PPP4R2: variants seen among roughly 807,000 people sequenced by gnomAD.
The protein encoded by PPP4R2 is protein phosphatase 4 regulatory subunit 2, also known as serine/threonine-protein phosphatase 4 regulatory subunit 2.
Under a neutral mutation model 47.2 loss-of-function variants are expected in PPP4R2, and 13 were observed. That is an observed-to-expected ratio of 0.28 (90% CI 0.18 to 0.44). The LOEUF (loss-of-function observed/expected upper bound fraction) is 0.44. PPP4R2 is among the 20% of genes least tolerant of loss of function. The pLI, the probability that PPP4R2 is intolerant of heterozygous loss-of-function variation, is 1.00. For synonymous variants in PPP4R2, 151 were observed against 163.3 expected, an observed-to-expected ratio of 0.92 and a Z score of 0.57; for missense variants, 421 against 491.2, an observed-to-expected ratio of 0.86 and a Z score of 1.35.
At chr3:73,024,134 A>G (rs1702013373) in intron 2 of PPP4R2, among the ~76,000 whole-genome samples, 1 of 152,174 alleles carries the variant, frequency 6.6e-6, no homozygotes, top group African/African-American at 2.4e-5. Context: ...ATAAATATAT[A>G]CATAATAAAT....
chr3:73,014,006 TTTA>T (rs1701776033), intron 2 of PPP4R2, among the ~76,000 whole-genome samples: 1 of 132,126 alleles, frequency 7.6e-6, no homozygotes, highest in Non-Finnish European at 1.8e-5. Flanking sequence ...TGCATAATAT[TTTA>T]TTGTTTTGGG....
chr3:73,060,376 C>CTA (rs1387843220), intron 4 of PPP4R2, among the ~76,000 whole-genome samples: 1 of 152,058 alleles, frequency 6.6e-6, no homozygotes, highest in African/African-American at 2.4e-5. Context: ...GTAGTCATAC[C>CTA]AGGTGCCCTG....
At chr3:73,024,224 A>G (rs1262714729) in intron 2 of PPP4R2, among the ~76,000 whole-genome samples, 4 of 152,194 alleles carry the variant, frequency 2.6e-5, no homozygotes, top group Non-Finnish European at 1.5e-5. Flanking sequence ...GATCTATGAT[A>G]CTTATATTGG....
chr3:73,047,102 C>T (rs1343775877), intron 2 of PPP4R2, 84 bp from the exon 3 acceptor site: 4 of 763,264 alleles, frequency 5.2e-6, no homozygotes, highest in Non-Finnish European at 8.3e-6. Flanking sequence ...GTATTAGTGT[C>T]ATAGTATATT....
At chr3:73,029,864 C>G (rs886960270) in intron 2 of PPP4R2, among the ~76,000 whole-genome samples, 3 of 152,124 alleles carry the variant, frequency 2.0e-5, no homozygotes, top group African/African-American at 2.4e-5. Flanking sequence ...GAGGAGTGAT[C>G]AACTGTAAAA....
chr3:73,062,081 A>G, intron 5 of PPP4R2: 1 of 1,533,686 alleles, frequency 6.5e-7, no homozygotes, highest in Non-Finnish European at 8.8e-7. Flanking sequence ...AGCGACTAAT[A>G]ATGGGTTATT....
intron 2 of PPP4R2, among the ~76,000 whole-genome samples, chr3:73,016,374 A>G (rs946201303): frequency 6.6e-6 from 1 of 152,170 alleles, no homozygotes; most frequent in South Asian, 2.1e-4. Context: ...GCCGGCATCT[A>G]GTGGGGTAGA....
chr3:73,031,919 C>T (rs1482695856), intron 2 of PPP4R2, among the ~76,000 whole-genome samples: 1 of 152,196 alleles, frequency 6.6e-6, no homozygotes, highest in Non-Finnish European at 1.5e-5. Context: ...AAGCACTTTG[C>T]TTACACTAAT....
intron 5 of PPP4R2, chr3:73,062,619 T>A (rs1355411497): frequency 1.9e-6 from 3 of 1,613,882 alleles, no homozygotes; most frequent in Non-Finnish European, 1.7e-6. Context: ...CCTTGAGAAG[T>A]CATCAGTTCT....
At chr3:73,034,637 A>G (rs777098683) in intron 2 of PPP4R2, among the ~76,000 whole-genome samples, 7 of 152,134 alleles carry the variant, frequency 4.6e-5, no homozygotes, top group African/African-American at 9.7e-5. Flanking sequence ...GGTTCAAGCA[A>G]TCCTCCTACC....
intron 2 of PPP4R2, among the ~76,000 whole-genome samples, chr3:72,999,582 G>A (rs1277636377): frequency 1.3e-5 from 2 of 152,200 alleles, no homozygotes; most frequent in Non-Finnish European, 2.9e-5. Flanking sequence ...TGTACACACT[G>A]CTTTCCCTTT....
chr3:73,054,649 A>G (rs1702692505), intron 3 of PPP4R2, among the ~76,000 whole-genome samples: 1 of 152,218 alleles, frequency 6.6e-6, no homozygotes, highest in Admixed American at 6.5e-5. Flanking sequence ...TTTTATGGTC[A>G]TTTCTTTAGC....
intron 2 of PPP4R2, among the ~76,000 whole-genome samples, chr3:73,004,844 GGT>G (rs751819640): frequency 7.3e-4 from 73 of 99,448 alleles, no homozygotes; most frequent in East Asian, 2.8e-3. Context: ...TACAGTGTGG[GGT>G]GTGTGTGTGT....
At chr3:73,052,063 G>A (rs969903776) in intron 3 of PPP4R2, among the ~76,000 whole-genome samples, 1 of 152,124 alleles carries the variant, frequency 6.6e-6, no homozygotes, top group Non-Finnish European at 1.5e-5. Flanking sequence ...CCTGAATATA[G>A]TAGGTTCTTA....
At chr3:73,005,335 GTCTT>G (rs1315641719) in intron 2 of PPP4R2, among the ~76,000 whole-genome samples, 2 of 114,138 alleles carry the variant, frequency 1.8e-5, no homozygotes, top group Non-Finnish European at 3.9e-5. Context: ...ATATGGTGTG[GTCTT>G]TTTTTTTTTT....
chr3:73,043,895 C>T (rs1702430906), intron 2 of PPP4R2, among the ~76,000 whole-genome samples: 1 of 152,210 alleles, frequency 6.6e-6, no homozygotes, highest in African/African-American at 2.4e-5. Flanking sequence ...ACATTGTACA[C>T]ATTAAAGAAT....
rs1255474305 is a variant in PPP4R2, at chr3:73,062,275, TG to T, written c.419+1217del. 2.5e-6 allele frequency: 4 copies of T among 1,604,986 alleles called. No homozygotes were observed. The Admixed American group carries it at 7.0e-5, about 28-fold the overall frequency. ...CCCAGCAGCCCAGGAGATGACGCAA[TG>T]GACAGGAGTGGGCTCCCTGACCTTC... On this transcript the variant is annotated intron_variant, in intron 5 of 8. Transcript: ENST00000356692.
chr3:73,004,909 T>G (rs1701567094), intron 2 of PPP4R2, among the ~76,000 whole-genome samples: 2 of 101,720 alleles, frequency 2.0e-5, no homozygotes, highest in South Asian at 3.6e-4. Flanking sequence ...TGAGTCGGAG[T>G]CATGTGTGTG....
At chr3:73,012,840 C>G (rs1287520333) in intron 2 of PPP4R2, among the ~76,000 whole-genome samples, 3 of 149,102 alleles carry the variant, frequency 2.0e-5, no homozygotes, top group African/African-American at 7.4e-5. Context: ...TTTTCTAGGG[C>G]TTTTGCATAC....
Sources: allele counts gnomAD v4.1 joint callset (sites outside exome capture counted in the v4.1 genomes callset), GRCh38; gene constraint gnomAD v4.1.1; transcripts MANE v1.5; gene names NCBI Gene and HGNC (gene_info 2026-07-23, HGNC 2026-07-21).